The following MPP7 variants were observed in gnomAD, a reference collection of about 807,000 sequenced individuals.
The protein encoded by MPP7 is MAGUK p55 scaffold protein 7.
Under a neutral mutation model 76.5 loss-of-function variants are expected in MPP7, and 60 were observed. That is an observed-to-expected ratio of 0.78 (90% CI 0.64 to 0.97). The LOEUF (loss-of-function observed/expected upper bound fraction) is 0.97, where lower values mean the gene tolerates loss of function less well. MPP7 is among the 50% of genes least tolerant of loss of function. The pLI is 0.00. For missense variants in MPP7, 641 were observed against 694.0 expected, an observed-to-expected ratio of 0.92 and a Z score of 0.86; for synonymous variants, 237 against 244.5, an observed-to-expected ratio of 0.97 and a Z score of 0.29.
chr10:28,196,806 C>T (rs184843191), intron 3 of MPP7, among the ~76,000 whole-genome samples: 9 of 152,280 alleles, frequency 5.9e-5, no homozygotes, highest in Admixed American at 5.9e-4. Context: ...GCTCTTCCAA[C>T]ACTTTGCCAC....
In MPP7 at chr10:28,239,145, A is replaced by AT. The variant is rs375087132; in HGVS notation, c.-131-411dup. Reference sequence around the variant, plus strand: ...AGCAACTTATAATTTTTATTTTTTTATTTTTATTTTTTTTTTTGATACGGA... The same window carrying AT: ...AGCAACTTATAATTTTTATTTTTTTATTTTTTATTTTTTTTTTTGATACGGA... On this transcript the variant is annotated intron_variant, in intron 1 of 16. Transcript: ENST00000683449. Among the ~76,000 whole-genome samples, 16 of 142,596 alleles carry AT rather than the reference A, an allele frequency of 1.1e-4. No homozygotes were observed. The East Asian group carries it at 1.4e-3, about 13-fold the overall frequency. 93.5% of individuals were successfully genotyped at this position (142,596 alleles called of 152,430 possible).
intron 2 of MPP7, among the ~76,000 whole-genome samples, chr10:28,232,368 C>CACACACAA (rs1838915093): frequency 6.6e-6 from 1 of 150,770 alleles, no homozygotes; most frequent in African/African-American, 2.5e-5. Context: ...AACACACACA[C>CACACACAA]ACACACACAC....
chr10:28,151,434 T>C (rs534517787), intron 3 of MPP7, among the ~76,000 whole-genome samples: 1 of 152,312 alleles, frequency 6.6e-6, no homozygotes, highest in East Asian at 1.9e-4. Context: ...TTTGTTTAAA[T>C]AATTATCGAG....
chr10:28,189,570 C>CAAAAA (rs59436299), intron 3 of MPP7, among the ~76,000 whole-genome samples: 4 of 69,524 alleles, frequency 5.8e-5, no homozygotes, highest in African/African-American at 9.6e-5. Context: ...GACCCTGTCT[C>CAAAAA]AAAAAAAAAA....
chr10:28,147,184 A>G (rs1236910914), intron 5 of MPP7, among the ~76,000 whole-genome samples: 1 of 152,202 alleles, frequency 6.6e-6, no homozygotes, highest in Non-Finnish European at 1.5e-5. Flanking sequence ...GACCTAAACA[A>G]AATTACTAGT....
chr10:28,148,241 A>C (rs771686326), intron 4 of MPP7, among the ~76,000 whole-genome samples: 10 of 152,210 alleles, frequency 6.6e-5, no homozygotes, highest in Admixed American at 2.0e-4. Context: ...TTTGGGTTCT[A>C]CATAAAGAAG....
At chr10:28,068,670 T>C (rs1160021233) in intron 13 of MPP7, among the ~76,000 whole-genome samples, 1 of 152,182 alleles carries the variant, frequency 6.6e-6, no homozygotes, top group Non-Finnish European at 1.5e-5. Context: ...TAACATCATC[T>C]GCCAATTACT....
intron 13 of MPP7, among the ~76,000 whole-genome samples, chr10:28,063,461 CAA>C (rs760077416): frequency 2.2e-4 from 24 of 109,560 alleles, no homozygotes; most frequent in Non-Finnish European, 1.9e-4. Context: ...GACTCTGTCT[CAA>C]AAAAAAAAAA....
At chr10:28,322,869 C>T (rs1031938376) in intron 2 of MPP7, among the ~76,000 whole-genome samples, 3 of 152,172 alleles carry the variant, frequency 2.0e-5, no homozygotes, top group Non-Finnish European at 4.4e-5. Context: ...CACCTTCTGC[C>T]TCCATTGTTT....
intron 2 of MPP7, among the ~76,000 whole-genome samples, chr10:28,310,435 C>T (rs10763659): frequency 0.36 from 54,360 of 151,962 alleles, 9,985 homozygotes; most frequent in East Asian, 0.54. Context: ...TGCATCTCCT[C>T]CTGTTGCGCT....
At chr10:28,175,698 C>T (rs1836837624) in intron 3 of MPP7, among the ~76,000 whole-genome samples, 1 of 152,064 alleles carries the variant, frequency 6.6e-6, no homozygotes, top group African/African-American at 2.4e-5. Flanking sequence ...AAACAAGAAG[C>T]TATGAACCAA....
chr10:28,262,208 CATAT>C (rs56940942), intron 1 of MPP7, among the ~76,000 whole-genome samples: 1,638 of 60,042 alleles, frequency 0.027, 139 homozygotes, highest in African/African-American at 0.062. Flanking sequence ...TATATATATA[CATAT>C]ATATATATAT....
At chr10:28,265,982 T>G (rs1406554010) in intron 1 of MPP7, among the ~76,000 whole-genome samples, 2 of 152,054 alleles carry the variant, frequency 1.3e-5, no homozygotes, top group African/African-American at 4.8e-5. Flanking sequence ...TTTGTTTTGT[T>G]TTGGAGACAG....
chr10:28,239,352 G>T (rs1839190551), intron 1 of MPP7, among the ~76,000 whole-genome samples: 1 of 151,424 alleles, frequency 6.6e-6, no homozygotes, highest in African/African-American at 2.4e-5. Flanking sequence ...TCACCATGTT[G>T]GCCAGGCTGG....
chr10:28,299,916 A>G (rs893788915), intron 1 of MPP7, among the ~76,000 whole-genome samples: 2 of 151,704 alleles, frequency 1.3e-5, no homozygotes, highest in African/African-American at 4.8e-5. Flanking sequence ...ACAGGCGCCC[A>G]CCACCACGCC....
rs779051400 is a variant in MPP7 at position 28,173,411 on chromosome 10, A to C, written c.157-23352T>G. ...ATGGATAAAGAATTGTCATGGAAGA[A>C]ATAAAATTGGCATTATTAACAAACA... On this transcript the variant is annotated intron_variant, in intron 3 of 16. Coordinates refer to ENST00000683449, the MANE Select transcript of MPP7 (RefSeq NM_001318170.2). Among the ~76,000 whole-genome samples, 3 of 152,200 alleles carry C rather than the reference A, an allele frequency of 2.0e-5. No homozygotes were observed. The East Asian group carries it at 5.8e-4, about 29-fold the overall frequency.
intron 3 of MPP7, among the ~76,000 whole-genome samples, chr10:28,195,676 T>C (rs937430326): frequency 6.6e-6 from 1 of 152,118 alleles, no homozygotes; most frequent in African/African-American, 2.4e-5. Context: ...ATTTCCAGGA[T>C]AGGCAAATAC....
intron 3 of MPP7, among the ~76,000 whole-genome samples, chr10:28,181,383 TA>T (rs1260674259): frequency 1.3e-5 from 2 of 152,198 alleles, no homozygotes; most frequent in African/African-American, 4.8e-5. Flanking sequence ...ACCAGGTGGA[TA>T]AAAATATCTT....
chr10:28,173,171 C>T (rs1380983136), intron 3 of MPP7, among the ~76,000 whole-genome samples: 1 of 146,618 alleles, frequency 6.8e-6, no homozygotes, highest in East Asian at 2.0e-4. Flanking sequence ...GTGAGCAGGG[C>T]AGGAATACTA....
Sources: allele counts gnomAD v4.1 joint callset (sites outside exome capture counted in the v4.1 genomes callset), GRCh38; gene constraint gnomAD v4.1.1; transcripts MANE v1.5; gene names NCBI Gene and HGNC (gene_info 2026-07-23, HGNC 2026-07-21).